VPS13B: variants seen among roughly 807,000 people sequenced by gnomAD.
VPS13B encodes the protein intermembrane lipid transfer protein VPS13B.
VPS13B carries 285 observed loss-of-function variants against 426.4 expected under a neutral mutation model. That is an observed-to-expected ratio of 0.67 (90% confidence interval 0.61 to 0.74). The LOEUF (loss-of-function observed/expected upper bound fraction) is 0.74. VPS13B is among the 30% of genes least tolerant of loss of function. The probability of loss-of-function intolerance (pLI) is 0.00; values close to 1 mark genes in which losing one functional copy is unlikely to be tolerated. For synonymous variants in VPS13B, 1,676 were observed against 1,676.4 expected, an observed-to-expected ratio of 1.00 and a Z score of 0.01; for missense variants, 4,537 against 4,782.6, an observed-to-expected ratio of 0.95 and a Z score of 1.51.
chr8:99,506,445 C>A (rs139512570), intron 27 of VPS13B, among the ~76,000 whole-genome samples: 11 of 152,070 alleles, frequency 7.2e-5, no homozygotes, highest in East Asian at 5.8e-4. Context: ...CTGACTGTAC[C>A]GCTAAATTTA....
chr8:99,130,625 C>T lies in VPS13B; in HGVS notation c.1207-4007C>T, dbSNP rs572474941. ...CAGGATGGTCTCGATCTCCTGACCT[C>T]GTGATCCGCCCACCTCGGCCTCCCA... On this transcript the variant is annotated intron_variant, in intron 8 of 61. Transcript: ENST00000357162. Among the ~76,000 whole-genome samples, 12 of 152,124 alleles carry T rather than the reference C, an allele frequency of 7.9e-5. No homozygotes were observed. In the South Asian group the frequency reaches 1.9e-3, roughly 24 times the overall value.
chr8:99,497,210 T>C (rs961713419), intron 25 of VPS13B, among the ~76,000 whole-genome samples: 2 of 137,034 alleles, frequency 1.5e-5, no homozygotes, highest in African/African-American at 2.8e-5. Context: ...ATATATTTAA[T>C]ATATATAAAT....
In VPS13B at chr8:99,384,286, C is replaced by T. The variant is rs200724624; in HGVS notation, c.2903C>T (p.Pro968Leu). ...TTATATACGTGGCTCATCTATCAGCCTCAGAAACGAACAAGTAGACATATG... is the reference window on the plus strand; with the variant it reads ...TTATATACGTGGCTCATCTATCAGCTTCAGAAACGAACAAGTAGACATATG... ...PILYTWLIYQ[P>L]QKRTSRHMQQ... is the part of the protein sequence containing the mutation. The change falls in exon 20 of 62, where the codon CCT (proline) becomes CTT (leucine). Residue 968 changes from proline (P) to leucine (L), a missense_variant. By Grantham distance (98) the Pro-to-Leu change is moderately conservative. Transcript: ENST00000357162. 6.2e-6 allele frequency: 10 copies of T among 1,613,826 alleles called. No individual in the cohort carries two copies. In the Admixed American group the frequency reaches 8.3e-5, roughly 13 times the overall value.
chr8:99,275,110 T>C lies in VPS13B; in HGVS notation c.2680T>C (p.Leu894=), dbSNP rs764537062. Residue 894 remains leucine (L), a synonymous_variant, in exon 19 of 62, where the codon TTG becomes CTG. Coordinates refer to ENST00000357162, the MANE Select transcript of VPS13B (RefSeq NM_152564.5). ...VDSGKEKLIP[L]LQGPSDTKDL... is the part of the protein sequence containing the mutation. The stretch of plus-strand genomic sequence containing the variant: ...TAGTGGAAAAGAGAAGTTGATTCCC[T>C]TGCTTCAGGGTCCTTCTGACACTAA... The C allele has an allele frequency of 3.7e-6, 6 of 1,606,346 alleles. No individual in the cohort carries two copies. The South Asian group carries it at 6.8e-5, about 18-fold the overall frequency.
intron 21 of VPS13B, among the ~76,000 whole-genome samples, chr8:99,422,631 T>A (rs1361505864): frequency 6.6e-6 from 1 of 152,174 alleles, no homozygotes; most frequent in Admixed American, 6.6e-5. Flanking sequence ...CATTTTCTTC[T>A]AATAATTACT....
chr8:99,156,734 C>G lies in VPS13B; in HGVS notation c.2199C>G (p.Cys733Trp), dbSNP rs1811383698. Residue 733 changes from cysteine (C) to tryptophan (W), a missense_variant, in exon 15 of 62, where the codon TGC becomes TGG. By Grantham distance (215) the Cys-to-Trp change is radical. Around this residue, in one of 2 missense-constraint regions of VPS13B, gnomAD observed 4,311 missense variants for 4,474.3 expected, o/e 0.96. Coordinates refer to ENST00000357162, the MANE Select transcript of VPS13B (RefSeq NM_152564.5). ...DNLLHYCYVH[C>W]YLKIFGFQAG... ...TGCTTCATTATTGTTATGTACACTG[C>G]TATCTTAAGGTATGAAAAGTGAATT... 1 of 1,613,902 alleles carries G rather than the reference C, an allele frequency of 6.2e-7. No homozygotes were observed. The highest frequency in any genetic ancestry group is 8.5e-7 in the Non-Finnish European group (1 of 1,179,850).
intron 33 of VPS13B, among the ~76,000 whole-genome samples, chr8:99,580,089 A>C (rs1229113920): frequency 6.6e-6 from 1 of 152,000 alleles, no homozygotes; most frequent in South Asian, 2.1e-4. Context: ...GAAGATATAC[A>C]TGTTAGTATA....
At chr8:99,463,293 T>C (rs1818932982) in intron 23 of VPS13B, among the ~76,000 whole-genome samples, 1 of 152,224 alleles carries the variant, frequency 6.6e-6, no homozygotes, top group Non-Finnish European at 1.5e-5. Context: ...TCTTTATGAA[T>C]AATGAAATGT....
Position 99,115,575 on chromosome 8 carries a change from G to C in VPS13B, c.763-125G>C. The C allele has an allele frequency of 1.1e-5, 10 of 933,546 alleles. No individual in the cohort carries two copies. In the South Asian group the frequency reaches 1.7e-4, roughly 16 times the overall value. 57.8% of individuals were successfully genotyped at this position (933,546 alleles called of 1,614,324 possible). On this transcript the variant is annotated intron_variant, in intron 6 of 61. Coordinates refer to ENST00000357162, the MANE Select transcript of VPS13B (RefSeq NM_152564.5). ...TAGAGTAAGTATTGTTTTGATTTAA[G>C]TATTAAAATGTTTGGAGCATTTCTT...
Position 99,030,880 on chromosome 8 carries a change from A to G in VPS13B, c.148-7543A>G, listed in dbSNP as rs190457478. On this transcript the variant is annotated intron_variant, in intron 2 of 61. Coordinates refer to ENST00000357162, the MANE Select transcript of VPS13B (RefSeq NM_152564.5). Reference sequence around the variant, plus strand: ...TTTAGTAGTGTACTAATTTGATACTAATTTAATAATTTCATTAATCTTTCT... The same window carrying G: ...TTTAGTAGTGTACTAATTTGATACTGATTTAATAATTTCATTAATCTTTCT... Among the ~76,000 whole-genome samples the G allele has an allele frequency of 9.8e-5, 15 of 152,316 alleles. No individual in the cohort carries two copies. The East Asian group carries it at 2.7e-3, about 27-fold the overall frequency.
chr8:99,606,498 CAA>C (rs370527702), intron 33 of VPS13B, among the ~76,000 whole-genome samples: 6 of 74,310 alleles, frequency 8.1e-5, no homozygotes, highest in Admixed American at 1.2e-4. Flanking sequence ...GACTCAGTTT[CAA>C]AAAAAAAAAA....
chr8:99,792,044 T>C (rs1812564669), intron 43 of VPS13B, among the ~76,000 whole-genome samples: 4 of 152,242 alleles, frequency 2.6e-5, no homozygotes, highest in Admixed American at 2.0e-4. Context: ...ACCACACACA[T>C]GCATGGGGCA....
chr8:99,059,021 T>G (rs996649532), intron 3 of VPS13B, among the ~76,000 whole-genome samples: 1 of 152,252 alleles, frequency 6.6e-6, no homozygotes. Context: ...TTTCCTTTCT[T>G]TGAAGGAAAA....
At position 99,875,631 on chromosome 8, in the gene VPS13B, G is replaced by T; in HGVS notation, c.11959G>T (p.Val3987Leu). The change falls in exon 62 of 62, where the codon GTG becomes TTG. Residue 3987 changes from valine to leucine, a missense_variant. By Grantham distance (32) the Val-to-Leu change is conservative. Transcript: ENST00000357162. ...GGTCTTCCTTAGTAAATTTACCATG[G>T]TGAAAAATAAAGCCCTGAGGAAAGG... The part of the protein sequence containing the change: ...AQVFLSKFTM[V>L]KNKALRKGFP The T allele has an allele frequency of 6.2e-7, 1 of 1,614,164 alleles. No homozygotes were observed. Among genetic ancestry groups the T allele is most frequent in the Non-Finnish European group, 8.5e-7 (1 of 1,180,032 alleles).
chr8:99,793,556 A>G (rs1200206982), intron 43 of VPS13B, among the ~76,000 whole-genome samples: 1 of 152,084 alleles, frequency 6.6e-6, no homozygotes, highest in East Asian at 1.9e-4. Context: ...GGAGGTTAAA[A>G]TCACCAGGAT....
At chr8:99,809,594 T>A in intron 44 of VPS13B, 64 bp downstream of exon 44, 1 of 1,595,506 alleles carries the variant, frequency 6.3e-7, no homozygotes, top group Non-Finnish European at 8.6e-7. Context: ...GAGATGAAAA[T>A]AATTAATAAT....
intron 15 of VPS13B, among the ~76,000 whole-genome samples, chr8:99,167,537 T>C (rs1176173973): frequency 2.0e-5 from 3 of 152,032 alleles, no homozygotes; most frequent in Non-Finnish European, 4.4e-5. Context: ...TTTATACTTT[T>C]GTCTTTTTAA....
chr8:99,168,131 T>C (rs1158067498), intron 15 of VPS13B, among the ~76,000 whole-genome samples: 2 of 152,162 alleles, frequency 1.3e-5, no homozygotes, highest in East Asian at 1.9e-4. Context: ...AAAATATGAC[T>C]CATAATAATT....
intron 21 of VPS13B, among the ~76,000 whole-genome samples, chr8:99,428,552 A>G (rs1428010935): frequency 6.6e-6 from 1 of 152,222 alleles, no homozygotes; most frequent in Non-Finnish European, 1.5e-5. Flanking sequence ...ATCACTGGCC[A>G]TCAGAGAAAT....
Sources: allele counts gnomAD v4.1 joint callset (sites outside exome capture counted in the v4.1 genomes callset), GRCh38; gene constraint gnomAD v4.1.1; regional missense constraint gnomAD v4.1.1; transcripts MANE v1.5; gene names NCBI Gene and HGNC (gene_info 2026-07-23, HGNC 2026-07-21).